FOCAD: variants seen among roughly 807,000 people sequenced by gnomAD.
The protein encoded by FOCAD is focadhesin, also known as KIAA1797.
A neutral mutation model predicts 225.6 loss-of-function variants in FOCAD; 198 were observed. The ratio of observed to expected loss-of-function variants is 0.88; its 90% confidence interval spans 0.78 to 0.99. FOCAD has a LOEUF of 0.99. Ranked by LOEUF, FOCAD falls within the 50% of genes least tolerant of loss-of-function variation. FOCAD has a pLI of 0.00. For synonymous variants in FOCAD, 897 were observed against 755.0 expected (o/e 1.19, Z -3.08); for missense variants, 2,713 against 2,123.6 (o/e 1.28, Z -5.46).
intron 26 of FOCAD, among the ~76,000 whole-genome samples, chr9:20,927,453 C>A (rs914330951): frequency 2.0e-5 from 3 of 151,346 alleles, no homozygotes; most frequent in African/African-American, 7.3e-5. Context: ...TTGTGAAGAT[C>A]AAATAATATA....
intron 15 of FOCAD, among the ~76,000 whole-genome samples, chr9:20,827,619 A>C (rs1414524343): frequency 1.3e-5 from 2 of 152,030 alleles, no homozygotes; most frequent in African/African-American, 2.4e-5. Flanking sequence ...CATTCTGATA[A>C]GTGAAATAAG....
intron 2 of FOCAD, among the ~76,000 whole-genome samples, chr9:20,678,798 G>A (rs1020026121): frequency 3.3e-5 from 5 of 152,154 alleles, no homozygotes; most frequent in Admixed American, 6.5e-5. Context: ...TTCAGCTTAG[G>A]CGTGATTTGG....
intron 21 of FOCAD, among the ~76,000 whole-genome samples, chr9:20,895,128 C>T (rs771710351): frequency 1.3e-5 from 2 of 151,964 alleles, no homozygotes; most frequent in Non-Finnish European, 2.9e-5. Flanking sequence ...TAACGGACTA[C>T]ATTTATATAC....
intron 35 of FOCAD, among the ~76,000 whole-genome samples, chr9:20,954,598 TAGTCATCATACAACA>T (rs768996593): frequency 6.6e-6 from 1 of 152,298 alleles, no homozygotes; most frequent in East Asian, 1.9e-4. Context: ...TATGATTCTG[TAGTCATCATACAACA>T]GGAAATGTTC....
intron 21 of FOCAD, among the ~76,000 whole-genome samples, chr9:20,886,479 T>A (rs1435759194): frequency 6.6e-6 from 1 of 152,076 alleles, no homozygotes; most frequent in African/African-American, 2.4e-5. Context: ...AAAGTCACCA[T>A]CAGAACAGAA....
chr9:20,919,619 C>G (rs1834200155), intron 24 of FOCAD, among the ~76,000 whole-genome samples: 2 of 152,122 alleles, frequency 1.3e-5, no homozygotes, highest in Non-Finnish European at 1.5e-5. Flanking sequence ...CAGAGATATA[C>G]ACCAACGGAA....
intron 9 of FOCAD, among the ~76,000 whole-genome samples, chr9:20,781,103 AAC>A (rs1290254405): frequency 6.6e-6 from 1 of 152,260 alleles, no homozygotes; most frequent in Non-Finnish European, 1.5e-5. Flanking sequence ...TTTATGCCTT[AAC>A]TCATTCAGTT....
chr9:20,773,957 C>G (rs1053827817), intron 8 of FOCAD, among the ~76,000 whole-genome samples: 2 of 152,112 alleles, frequency 1.3e-5, no homozygotes, highest in Non-Finnish European at 2.9e-5. Context: ...GGTGAGCAGC[C>G]CAGTGAGCCA....
In FOCAD at chr9:20,795,921, G is replaced by A. The variant is rs191105770; in HGVS notation, c.1455+6313G>A. 2.1e-3 allele frequency among the ~76,000 whole-genome samples: 322 copies of A among 151,450 alleles called. 1 individual carries two copies. Among genetic ancestry groups the A allele is most frequent in the African/African-American group, 7.2e-3 (295 of 41,194 alleles). ...ATTGGTGTGCTGTCCCCAATAACGC[G>A]TCATTTAACATTAGGTATATCTCCT... is the stretch of plus-strand genomic sequence containing the variant. On this transcript the variant is annotated intron_variant, in intron 11 of 43. Coordinates refer to ENST00000338382, the MANE Select transcript of FOCAD (RefSeq NM_001375567.1).
At chr9:20,842,534 C>T (rs1826644513) in intron 15 of FOCAD, among the ~76,000 whole-genome samples, 1 of 151,788 alleles carries the variant, frequency 6.6e-6, no homozygotes, top group Non-Finnish European at 1.5e-5. Flanking sequence ...AATGTTTTGT[C>T]ATTGCTCCTG....
intron 11 of FOCAD, among the ~76,000 whole-genome samples, chr9:20,796,855 A>C (rs1821169902): frequency 1.3e-5 from 2 of 151,574 alleles, no homozygotes; most frequent in East Asian, 1.9e-4. Flanking sequence ...TTTTGTTGCC[A>C]TTGCTTTTGG....
intron 27 of FOCAD, among the ~76,000 whole-genome samples, chr9:20,930,022 G>C (rs1300856318): frequency 2.0e-5 from 3 of 152,138 alleles, no homozygotes; most frequent in African/African-American, 4.8e-5. Context: ...TAGTGCCTAA[G>C]GGGTGTTGGG....
At chr9:20,768,954 A>G (rs537485764) in intron 7 of FOCAD, among the ~76,000 whole-genome samples, 1 of 152,104 alleles carries the variant, frequency 6.6e-6, no homozygotes, top group African/African-American at 2.4e-5. Context: ...GGTTGCTGAG[A>G]TTGTCTTTTG....
At chr9:20,756,547 A>G (rs1359570956) in intron 5 of FOCAD, among the ~76,000 whole-genome samples, 2 of 152,218 alleles carry the variant, frequency 1.3e-5, no homozygotes, top group Non-Finnish European at 2.9e-5. Flanking sequence ...CATTCCTAGC[A>G]GTCTAAGATA....
intron 14 of FOCAD, among the ~76,000 whole-genome samples, chr9:20,822,084 GA>G (rs1429298806): frequency 1.3e-5 from 2 of 148,588 alleles, no homozygotes; most frequent in East Asian, 2.0e-4. Flanking sequence ...TATTGGCATG[GA>G]AAAAAATTCA....
intron 37 of FOCAD, among the ~76,000 whole-genome samples, chr9:20,978,828 G>A (rs1051598756): frequency 3.3e-5 from 5 of 152,112 alleles, no homozygotes; most frequent in South Asian, 2.1e-4. Flanking sequence ...CATATGTACC[G>A]GACTTATCCA....
chr9:20,777,151 A>G (rs1818842171), intron 8 of FOCAD, among the ~76,000 whole-genome samples: 1 of 152,126 alleles, frequency 6.6e-6, no homozygotes, highest in Admixed American at 6.5e-5. Context: ...TCACTCTTCA[A>G]ATGGTAAAAC....
intron 21 of FOCAD, among the ~76,000 whole-genome samples, chr9:20,894,200 C>A (rs1019049761): frequency 1.3e-5 from 2 of 152,060 alleles, no homozygotes; most frequent in African/African-American, 4.8e-5. Flanking sequence ...ATTTTCGTTG[C>A]TTGACAGCTG....
intron 28 of FOCAD, among the ~76,000 whole-genome samples, chr9:20,943,659 A>C (rs373216647): frequency 2.6e-5 from 4 of 152,202 alleles, no homozygotes; most frequent in African/African-American, 9.6e-5. Flanking sequence ...TTTAAGAGCA[A>C]AATGACCTAA....
Sources: allele counts gnomAD v4.1 joint callset (sites outside exome capture counted in the v4.1 genomes callset), GRCh38; gene constraint gnomAD v4.1.1; transcripts MANE v1.5; gene names NCBI Gene and HGNC (gene_info 2026-07-23, HGNC 2026-07-21).